Variants in CADM2 observed in about 807,000 individuals in gnomAD.
CADM2 encodes immunoglobulin superfamily member 4D.
In CADM2, 12 loss-of-function variants were observed where a neutral mutation model predicts 49.8. The ratio of observed to expected loss-of-function variants is 0.24; its 90% CI spans 0.15 to 0.39. CADM2 has a LOEUF of 0.39. CADM2 is among the 10% of genes least tolerant of loss of function. CADM2 has a pLI of 1.00. For missense variants in CADM2, 378 were observed against 492.3 expected (o/e 0.77, Z 2.20); for synonymous variants, 214 against 175.4 (o/e 1.22, Z -1.74).
At chr3:85,746,699 A>C (rs746312451) in intron 2 of CADM2, among the ~76,000 whole-genome samples, 3 of 151,910 alleles carry the variant, frequency 2.0e-5, no homozygotes, top group Non-Finnish European at 2.9e-5. Context: ...TCTGAGGAAA[A>C]ATTTCTCAGG....
chr3:85,293,227 G>A (rs1044047780), intron 1 of CADM2, among the ~76,000 whole-genome samples: 1 of 151,882 alleles, frequency 6.6e-6, no homozygotes, highest in Non-Finnish European at 1.5e-5. Context: ...ACTCTCCCAA[G>A]ACTAAACCAG....
At chr3:85,290,160 G>A (rs980874368) in intron 1 of CADM2, among the ~76,000 whole-genome samples, 17 of 152,110 alleles carry the variant, frequency 1.1e-4, no homozygotes, top group African/African-American at 3.4e-4. Context: ...TTCCCTTTCC[G>A]AGTCAAAGAA....
At chr3:85,323,295 C>T (rs146203255) in intron 1 of CADM2, among the ~76,000 whole-genome samples, 1 of 152,106 alleles carries the variant, frequency 6.6e-6, no homozygotes, top group Non-Finnish European at 1.5e-5. Context: ...TAAATGGGAC[C>T]TATTTGGTAG....
At chr3:85,746,887 GT>G (rs1309556354) in intron 2 of CADM2, among the ~76,000 whole-genome samples, 2 of 152,038 alleles carry the variant, frequency 1.3e-5, no homozygotes, top group Non-Finnish European at 2.9e-5. Flanking sequence ...TTAAGTCCAA[GT>G]TTTTTCTCTG....
At chr3:85,328,050 G>A (rs1006811299) in intron 1 of CADM2, among the ~76,000 whole-genome samples, 1 of 152,162 alleles carries the variant, frequency 6.6e-6, no homozygotes, top group Non-Finnish European at 1.5e-5. Context: ...CCTGAAGAGA[G>A]AAATTGTCTT....
At chr3:85,630,209 T>A (rs2064264082) in intron 1 of CADM2, among the ~76,000 whole-genome samples, 1 of 152,062 alleles carries the variant, frequency 6.6e-6, no homozygotes, top group African/African-American at 2.4e-5. Flanking sequence ...ATTCAAATGT[T>A]CTCTGGTTTG....
intron 1 of CADM2, among the ~76,000 whole-genome samples, chr3:85,199,993 C>A (rs1277541335): frequency 1.3e-5 from 2 of 151,850 alleles, no homozygotes; most frequent in African/African-American, 4.8e-5. Flanking sequence ...GTTTAGCAAA[C>A]GCTAACAAAA....
At chr3:85,922,330 T>G (rs1719228114) in intron 6 of CADM2, among the ~76,000 whole-genome samples, 1 of 152,090 alleles carries the variant, frequency 6.6e-6, no homozygotes, top group Non-Finnish European at 1.5e-5. Context: ...TATATTAAAC[T>G]TTATTAATCC....
intron 1 of CADM2, among the ~76,000 whole-genome samples, chr3:85,262,446 A>G (rs1050156389): frequency 6.6e-6 from 1 of 152,120 alleles, no homozygotes; most frequent in Non-Finnish European, 1.5e-5. Flanking sequence ...TTATTCAATA[A>G]TAGTCCAGTT....
intron 1 of CADM2, among the ~76,000 whole-genome samples, chr3:85,085,950 G>A (rs1204715665): frequency 2.6e-5 from 4 of 152,046 alleles, no homozygotes; most frequent in Admixed American, 1.3e-4. Context: ...TTGCAAACAA[G>A]AGTTAAAACT....
At chr3:85,773,629 G>A (rs973362713) in intron 2 of CADM2, among the ~76,000 whole-genome samples, 3 of 152,082 alleles carry the variant, frequency 2.0e-5, no homozygotes, top group African/African-American at 7.2e-5. Context: ...CAATGGTATT[G>A]CTTTCAGGCA....
chr3:85,638,041 A>T (rs1457626898), intron 1 of CADM2, among the ~76,000 whole-genome samples: 2 of 152,214 alleles, frequency 1.3e-5, no homozygotes, highest in African/African-American at 4.8e-5. Context: ...CCTGGGATTC[A>T]ACATTTCCCT....
chr3:85,921,175 A>T (rs1577668887), intron 6 of CADM2, among the ~76,000 whole-genome samples: 1 of 152,014 alleles, frequency 6.6e-6, no homozygotes, highest in East Asian at 1.9e-4. Flanking sequence ...TTTAACTTTC[A>T]ATTTAATAAC....
intron 1 of CADM2, among the ~76,000 whole-genome samples, chr3:85,227,642 G>T (rs1228249694): frequency 6.6e-6 from 1 of 151,960 alleles, no homozygotes; most frequent in East Asian, 1.9e-4. Flanking sequence ...TACATTTAAG[G>T]TTAATTTTGT....
intron 8 of CADM2, among the ~76,000 whole-genome samples, chr3:86,025,050 T>G (rs1313319352): frequency 6.6e-6 from 1 of 150,966 alleles, no homozygotes; most frequent in African/African-American, 2.4e-5. Flanking sequence ...GACTAGTTGT[T>G]TTTTTTTGTT....
intron 1 of CADM2, among the ~76,000 whole-genome samples, chr3:85,281,042 G>A (rs953000525): frequency 6.6e-6 from 1 of 151,694 alleles, no homozygotes; most frequent in Non-Finnish European, 1.5e-5. Flanking sequence ...TCAACATCTA[G>A]GATTAAATGT....
intron 1 of CADM2, among the ~76,000 whole-genome samples, chr3:85,557,170 G>T (rs1033419505): frequency 1.8e-4 from 27 of 151,964 alleles, no homozygotes; most frequent in African/African-American, 6.5e-4. Context: ...ATGAGCTGAA[G>T]TGATAAATAA....
chr3:85,712,256 C>G (rs144928984), intron 1 of CADM2, among the ~76,000 whole-genome samples: 19 of 152,144 alleles, frequency 1.2e-4, no homozygotes, highest in African/African-American at 3.4e-4. Flanking sequence ...TTGTACTGTT[C>G]TAGAGATGAA....
At chr3:85,566,577 C>G (rs1221661627) in intron 1 of CADM2, among the ~76,000 whole-genome samples, 2 of 151,952 alleles carry the variant, frequency 1.3e-5, no homozygotes, top group African/African-American at 4.8e-5. Context: ...ATGATGTGTG[C>G]TAGGCTGAGA....
Sources: gnomAD v4.1 joint callset for allele counts (sites outside exome capture counted in the v4.1 genomes callset) on GRCh38, gnomAD v4.1.1 for gene constraint, MANE v1.5 for transcripts, NCBI Gene and HGNC (gene_info 2026-07-23, HGNC 2026-07-21) for gene names.